NME7: variants seen among roughly 807,000 people sequenced by gnomAD.
The protein encoded by NME7 is nucleoside diphosphate kinase 7.
Under a neutral mutation model 49.1 loss-of-function variants are expected in NME7, and 41 were observed. The observed-to-expected ratio is 0.83, with a 90% CI of 0.65 to 1.08. NME7 has a LOEUF of 1.08. Ranked by LOEUF, NME7 falls within the 50% of genes least tolerant of loss-of-function variation. The pLI is 0.00. For missense variants in NME7, 423 were observed against 463.4 expected, an observed-to-expected ratio of 0.91 and a Z score of 0.80; for synonymous variants, 139 against 150.6, an observed-to-expected ratio of 0.92 and a Z score of 0.56.
rs1186151491 is a variant in NME7, at chr1:169,257,500, T to C, written c.755-19813A>G. On this transcript the variant is annotated intron_variant, in intron 7 of 11. Transcript: ENST00000367811. ...AGTGAGATGAACCCAGTACCTCAGA[T>C]GTAAATGCAGAAATCACCCGTCTTC... Among the ~76,000 whole-genome samples the C allele has an allele frequency of 3.9e-5, 5 of 126,760 alleles. 1 individual carries two copies. The highest frequency in any genetic ancestry group is 8.9e-5 in the Non-Finnish European group (5 of 55,920). The allele number at this position is 126,760 out of a possible 152,430, so 83.2% of individuals were successfully genotyped here.
chr1:169,180,218 G>C (rs1659885372), intron 10 of NME7, among the ~76,000 whole-genome samples: 1 of 152,116 alleles, frequency 6.6e-6, no homozygotes, highest in Admixed American at 6.5e-5. Context: ...AATGGTGTCT[G>C]GCCAAACTGG....
intron 10 of NME7, among the ~76,000 whole-genome samples, chr1:169,225,732 A>G (rs1647303984): frequency 6.6e-6 from 1 of 152,146 alleles, no homozygotes; most frequent in African/African-American, 2.4e-5. Flanking sequence ...CTCTTTGGAC[A>G]CCACTTCTAG....
intron 7 of NME7, among the ~76,000 whole-genome samples, chr1:169,250,438 AT>A (rs1648514827): frequency 6.6e-6 from 1 of 151,682 alleles, no homozygotes; most frequent in Admixed American, 6.6e-5. Flanking sequence ...GATCTTTGGT[AT>A]TTTTGTTGTT....
chr1:169,234,171 T>G (rs1392254755), intron 9 of NME7, among the ~76,000 whole-genome samples: 1 of 152,172 alleles, frequency 6.6e-6, no homozygotes, highest in East Asian at 1.9e-4. Flanking sequence ...AAGTCACAAA[T>G]TTTTTAAACA....
At chr1:169,214,615 C>T (rs114230892) in intron 10 of NME7, among the ~76,000 whole-genome samples, 97 of 152,306 alleles carry the variant, frequency 6.4e-4, no homozygotes, top group African/African-American at 2.3e-3. Context: ...TAACTTTCTC[C>T]AGGACCATGT....
At chr1:169,158,294 A>C (rs7529937) in intron 11 of NME7, among the ~76,000 whole-genome samples, 57,816 of 152,070 alleles carry the variant, frequency 0.38, 11,459 homozygotes, top group East Asian at 0.74. Context: ...GTAAGAGATT[A>C]ACAATAAAAT....
intron 10 of NME7, among the ~76,000 whole-genome samples, chr1:169,174,704 T>C (rs1481311844): frequency 6.6e-6 from 1 of 152,038 alleles, no homozygotes; most frequent in African/African-American, 2.4e-5. Flanking sequence ...TGATAAATAT[T>C]TGTGTATCTA....
At chr1:169,355,042 GATATA>G (rs1190577398) in intron 1 of NME7, among the ~76,000 whole-genome samples, 8 of 60,600 alleles carry the variant, frequency 1.3e-4, no homozygotes, top group South Asian at 4.6e-4. Flanking sequence ...ATATATTATA[GATATA>G]ATATATAATA....
intron 11 of NME7, among the ~76,000 whole-genome samples, chr1:169,144,552 G>A (rs546254729): frequency 6.6e-6 from 1 of 152,186 alleles, no homozygotes; most frequent in East Asian, 1.9e-4. Context: ...ATGAAACCCA[G>A]GAAGGATCAA....
intron 7 of NME7, among the ~76,000 whole-genome samples, chr1:169,283,545 G>A (rs1650126643): frequency 6.6e-6 from 1 of 152,154 alleles, no homozygotes; most frequent in Non-Finnish European, 1.5e-5. Flanking sequence ...TAGTGTCGAT[G>A]TTCTTTACAA....
At chr1:169,229,545 T>C (rs1027885949) in intron 10 of NME7, among the ~76,000 whole-genome samples, 5 of 152,236 alleles carry the variant, frequency 3.3e-5, no homozygotes, top group African/African-American at 1.2e-4. Context: ...TCTTTATGTA[T>C]ATACTTTTAG....
rs1207291780 is a variant in NME7, at chr1:169,254,474, C to T, written c.755-16787G>A. ...TCTCTTTTTTTCTTTATTAGTCTTG[C>T]TAGTGGTCTATCAATTTTGTTGATC... On this transcript the variant is annotated intron_variant, in intron 7 of 11. Transcript: ENST00000367811. Among the ~76,000 whole-genome samples the T allele has an allele frequency of 4.0e-5, 6 of 151,812 alleles. 1 individual carries two copies. Among genetic ancestry groups the T allele is most frequent in the African/African-American group, 1.4e-4 (6 of 41,448 alleles).
At chr1:169,163,873 A>G (rs752653379) in intron 11 of NME7, among the ~76,000 whole-genome samples, 4 of 152,078 alleles carry the variant, frequency 2.6e-5, no homozygotes, top group South Asian at 4.1e-4. Context: ...CACTTTGGGA[A>G]GCCAAGGCGG....
chr1:169,147,697 C>G (rs1320618507), intron 11 of NME7, among the ~76,000 whole-genome samples: 2 of 152,180 alleles, frequency 1.3e-5, no homozygotes, highest in Admixed American at 1.3e-4. Flanking sequence ...AAGAGCATGA[C>G]TGTATCAAAT....
At chr1:169,243,250 T>C (rs921821607) in intron 7 of NME7, among the ~76,000 whole-genome samples, 5 of 150,934 alleles carry the variant, frequency 3.3e-5, no homozygotes, top group Non-Finnish European at 5.9e-5. Flanking sequence ...TATGTCCAAC[T>C]GATTTTTTAC....
chr1:169,228,448 C>A (rs1458194661), intron 10 of NME7, among the ~76,000 whole-genome samples: 1 of 151,744 alleles, frequency 6.6e-6, no homozygotes, highest in South Asian at 2.1e-4. Context: ...GAGGCCGAGG[C>A]GGGTGGATCA....
At chr1:169,309,850 A>G in intron 4 of NME7, 120 bp downstream of exon 4, 1 of 629,858 alleles carries the variant, frequency 1.6e-6, no homozygotes, top group Non-Finnish European at 2.7e-6. Flanking sequence ...TTAAGTTACT[A>G]TTCTATTCTT....
chr1:169,247,056 C>T (rs996742385), intron 7 of NME7: 2 of 456,062 alleles, frequency 4.4e-6, no homozygotes, highest in Non-Finnish European at 4.4e-6. Context: ...AGGGGTTCCT[C>T]CTCACTGTGA....
chr1:169,347,693 A>C (rs1245889918), intron 1 of NME7, among the ~76,000 whole-genome samples: 2 of 152,132 alleles, frequency 1.3e-5, no homozygotes, highest in Non-Finnish European at 2.9e-5. Flanking sequence ...ATCTGAAAAG[A>C]CTATTCTTTA....
Sources: gnomAD v4.1 joint callset for allele counts (sites outside exome capture counted in the v4.1 genomes callset) on GRCh38, gnomAD v4.1.1 for gene constraint, MANE v1.5 for transcripts, NCBI Gene and HGNC (gene_info 2026-07-23, HGNC 2026-07-21) for gene names.